LRRK1: variants seen among roughly 807,000 people sequenced by gnomAD.
The protein encoded by LRRK1 is leucine rich repeat kinase 1.
Under a neutral mutation model 209.1 loss-of-function variants are expected in LRRK1, and 113 were observed. The ratio of observed to expected loss-of-function variants is 0.54; its 90% CI spans 0.46 to 0.63. The LOEUF (loss-of-function observed/expected upper bound fraction) is 0.63, where lower values mean the gene tolerates loss of function less well. Ranked by LOEUF, LRRK1 falls within the 30% of genes least tolerant of loss-of-function variation. The pLI is 0.00. For missense variants in LRRK1, 2,284 were observed against 2,632.2 expected (o/e 0.87, Z 2.89); for synonymous variants, 1,144 against 1,099.7 (o/e 1.04, Z -0.80).
At chr15:100,941,446 C>CCTGTATCTGTGTGCGTCTGTG (rs1265445498) in intron 2 of LRRK1, among the ~76,000 whole-genome samples, 1 of 72,528 alleles carries the variant, frequency 1.4e-5, no homozygotes, top group East Asian at 3.9e-4. Context: ...GTGTGTGTGT[C>CCTGTATCTGTGTGCGTCTGTG]TGTGTGTGTC....
intron 2 of LRRK1, among the ~76,000 whole-genome samples, chr15:100,927,811 C>T (rs903739042): frequency 6.6e-6 from 1 of 152,204 alleles, no homozygotes; most frequent in African/African-American, 2.4e-5. Flanking sequence ...ACAGGTGGTA[C>T]CAGCAGAACT....
intron 31 of LRRK1, among the ~76,000 whole-genome samples, chr15:101,062,946 CCT>C (rs929398379): frequency 6.6e-6 from 1 of 152,144 alleles, no homozygotes; most frequent in African/African-American, 2.4e-5. Context: ...ATGCAAATGC[CCT>C]GACTCAGGTG....
At chr15:101,032,454 T>A (rs2034326311) in intron 20 of LRRK1, among the ~76,000 whole-genome samples, 1 of 138,648 alleles carries the variant, frequency 7.2e-6, no homozygotes, top group South Asian at 2.7e-4. Context: ...ACAAGTTCTT[T>A]CTCAGATATA....
intron 2 of LRRK1, among the ~76,000 whole-genome samples, chr15:100,925,815 G>A (rs755402629): frequency 2.6e-5 from 4 of 152,160 alleles, no homozygotes; most frequent in South Asian, 2.1e-4. Flanking sequence ...GCCTGGAAAC[G>A]TGTTCAAGGT....
intron 27 of LRRK1, among the ~76,000 whole-genome samples, chr15:101,055,560 G>A: frequency 6.6e-6 from 1 of 152,218 alleles, no homozygotes; most frequent in East Asian, 1.9e-4. Flanking sequence ...TGTCCACAGT[G>A]AGGACACAGG....
At position 101,065,421 on chromosome 15, in the gene LRRK1, C is replaced by T; in HGVS notation, c.4984C>T (p.Pro1662Ser). The change falls in exon 32 of 34, where the codon CCA (proline) becomes TCA (serine). Residue 1662 changes from proline to serine, a missense_variant. This residue lies in a region of LRRK1 where 643 missense variants were observed against 695.9 expected (regional missense o/e 0.92). Transcript: ENST00000388948. The stretch of plus-strand genomic sequence containing the variant: ...TGTGTTTCCCGTGGTGCGGGGCACC[C>T]CAAAGGACAGCTGCTCCTACCTGTG... ...VAVFPVVRGTPKDSCSYLCSH... is the reference protein window; with the variant it reads ...VAVFPVVRGTSKDSCSYLCSH... The T allele has an allele frequency of 6.2e-7, 1 of 1,614,150 alleles. No individual in the cohort carries two copies. The highest frequency in any genetic ancestry group is 8.5e-7 in the Non-Finnish European group (1 of 1,180,038).
At chr15:100,962,940 C>T (rs1428312049) in intron 2 of LRRK1, among the ~76,000 whole-genome samples, 1 of 147,166 alleles carries the variant, frequency 6.8e-6, no homozygotes, top group Non-Finnish European at 1.5e-5. Flanking sequence ...TCTCCTGCCT[C>T]AGCCTCCTGA....
Position 100,950,888 on chromosome 15 carries a change from G to C in LRRK1, c.98-22916G>C, listed in dbSNP as rs190488470. On this transcript the variant is annotated intron_variant, in intron 2 of 33. Coordinates refer to ENST00000388948, the MANE Select transcript of LRRK1 (RefSeq NM_024652.6). The stretch of plus-strand genomic sequence containing the variant: ...GGAGGCCAAGGCGGGCAGATCACGA[G>C]GTCAGGAGATCGAGACCATCCTGGC... 2.8e-3 allele frequency among the ~76,000 whole-genome samples: 426 copies of C among 152,336 alleles called. 1 individual carries two copies. The highest frequency in any genetic ancestry group is 9.6e-3 in the African/African-American group (399 of 41,588).
At chr15:100,982,934 G>A (rs1365197063) in intron 3 of LRRK1, among the ~76,000 whole-genome samples, 1 of 152,162 alleles carries the variant, frequency 6.6e-6, no homozygotes, top group Non-Finnish European at 1.5e-5. Context: ...ATAATCACAG[G>A]TATTCCGGTT....
chr15:101,045,109 C>T (rs964842306), intron 20 of LRRK1, among the ~76,000 whole-genome samples: 8 of 152,202 alleles, frequency 5.3e-5, no homozygotes, highest in African/African-American at 9.7e-5. Flanking sequence ...AAGTGAGAGC[C>T]GAGACTTGCG....
intron 2 of LRRK1, among the ~76,000 whole-genome samples, chr15:100,943,336 T>C (rs2042477978): frequency 6.6e-6 from 1 of 152,218 alleles, no homozygotes; most frequent in Admixed American, 6.5e-5. Flanking sequence ...CCTCTTTCTT[T>C]ATCTGTAAGC....
intron 3 of LRRK1, among the ~76,000 whole-genome samples, chr15:100,982,180 C>T (rs1425710995): frequency 6.6e-6 from 1 of 152,194 alleles, no homozygotes; most frequent in African/African-American, 2.4e-5. Context: ...CACTCTCACA[C>T]ACAGTAGATC....
chr15:100,932,081 G>A (rs2042223126), intron 2 of LRRK1, among the ~76,000 whole-genome samples: 1 of 152,142 alleles, frequency 6.6e-6, no homozygotes, highest in Non-Finnish European at 1.5e-5. Context: ...CACCTCCAGG[G>A]TTCAAGCGAT....
At chr15:100,941,672 C>G (rs2042440718) in intron 2 of LRRK1, among the ~76,000 whole-genome samples, 1 of 152,162 alleles carries the variant, frequency 6.6e-6, no homozygotes, top group South Asian at 2.1e-4. Context: ...GTGAACACAG[C>G]ATTTGTCACA....
intron 6 of LRRK1, among the ~76,000 whole-genome samples, chr15:100,992,068 T>G (rs1422619332): frequency 6.6e-6 from 1 of 152,190 alleles, no homozygotes; most frequent in African/African-American, 2.4e-5. Context: ...CTGGATTTGA[T>G]CTATTGATAT....
chr15:100,960,277 CTTTT>C (rs3031656), intron 2 of LRRK1, among the ~76,000 whole-genome samples: 2 of 116,738 alleles, frequency 1.7e-5, no homozygotes, highest in Non-Finnish European at 1.7e-5. Flanking sequence ...GTTCATATTG[CTTTT>C]TTTTTTTTTT....
intron 6 of LRRK1, among the ~76,000 whole-genome samples, chr15:100,993,272 A>AT (rs2032244078): frequency 6.6e-6 from 1 of 152,142 alleles, no homozygotes; most frequent in Admixed American, 6.5e-5. Context: ...TGATTACAGT[A>AT]TTTGAGCCCT....
intron 2 of LRRK1, among the ~76,000 whole-genome samples, chr15:100,939,249 A>T (rs1287502455): frequency 6.6e-6 from 1 of 152,062 alleles, no homozygotes; most frequent in South Asian, 2.1e-4. Context: ...AAGTCTCTTA[A>T]TTTCTATCTT....
At chr15:100,962,824 T>TATATATACATATATATATATATATA (rs1555461505) in intron 2 of LRRK1, among the ~76,000 whole-genome samples, 1 of 8,444 alleles carries the variant, frequency 1.2e-4, no homozygotes, top group African/African-American at 3.4e-4. Context: ...TATATATATA[T>TATATATACATATATATATATATATA]TTTTTTTTTT....
Sources: allele counts gnomAD v4.1 joint callset (sites outside exome capture counted in the v4.1 genomes callset), GRCh38; gene constraint gnomAD v4.1.1; regional missense constraint gnomAD v4.1.1; transcripts MANE v1.5; gene names NCBI Gene and HGNC (gene_info 2026-07-23, HGNC 2026-07-21).